The following MAOA variants were observed in gnomAD, a reference collection of about 807,000 sequenced individuals.
MAOA encodes monoamine oxidase A.
Under a neutral mutation model 42.0 loss-of-function variants are expected in MAOA, and 6 were observed. The observed-to-expected ratio is 0.14, with a 90% CI of 0.08 to 0.28. MAOA has a LOEUF of 0.28. Ranked by LOEUF, MAOA falls within the 10% of genes least tolerant of loss-of-function variation. The pLI is 1.00. For synonymous variants in MAOA, 140 were observed against 154.0 expected (o/e 0.91, Z 0.67); for missense variants, 262 against 422.3 (o/e 0.62, Z 3.33).
At chrX:43,694,480 T>C (rs909079536) in intron 3 of MAOA, among the ~76,000 whole-genome samples, 1 of 112,103 alleles carries the variant, frequency 8.9e-6, no homozygotes, top group Admixed American at 9.5e-5. Context: ...CTTTTTATTC[T>C]TTTCTTTTTA....
intron 10 of MAOA, among the ~76,000 whole-genome samples, chrX:43,740,266 C>T (rs747963316): frequency 9.0e-6 from 1 of 111,581 alleles, no homozygotes; most frequent in Non-Finnish European, 1.9e-5. Context: ...TTAAAAGACA[C>T]CATCACTTAT....
At chrX:43,670,672 A>C (rs878909607) in intron 1 of MAOA, among the ~76,000 whole-genome samples, 141 of 91,932 alleles carry the variant, frequency 1.5e-3, no homozygotes, top group African/African-American at 5.3e-3. Flanking sequence ...TGTTCAATTC[A>C]CACCTATGAG....
At position 43,693,297 on chromosome X, in the gene MAOA, C is replaced by T; in HGVS notation, c.175C>T (p.His59Tyr). 8.3e-7 allele frequency: 1 copy of T among 1,210,565 alleles called. No homozygotes were observed. Among genetic ancestry groups the T allele is most frequent in the Non-Finnish European group, 1.1e-6 (1 of 894,454 alleles). The change falls in exon 3 of 15, where the codon CAT (histidine) becomes TAT (tyrosine). Residue 59 changes from histidine (H) to tyrosine (Y), a missense_variant. Transcript: ENST00000338702. ...AATTTTTCTCTTTTTGCAGAATGAG[C>T]ATGTTGATTACGTAGATGTTGGTGG... ...GGRTYTIRNEHVDYVDVGGAY... is the reference protein window; with the variant it reads ...GGRTYTIRNEYVDYVDVGGAY...
At chrX:43,675,883 G>A (rs1335933575) in intron 1 of MAOA, among the ~76,000 whole-genome samples, 1 of 112,065 alleles carries the variant, frequency 8.9e-6, no homozygotes, top group East Asian at 2.8e-4. Context: ...GGCTGCTCGG[G>A]GGTCAGGGGT....
chrX:43,685,997 A>G (rs950209283), intron 2 of MAOA, among the ~76,000 whole-genome samples: 1 of 111,885 alleles, frequency 8.9e-6, no homozygotes, highest in Non-Finnish European at 1.9e-5. Flanking sequence ...GAGTAATAAG[A>G]TACTATCTAA....
chrX:43,661,777 A>G (rs2033235899), intron 1 of MAOA, among the ~76,000 whole-genome samples: 2 of 110,920 alleles, frequency 1.8e-5, no homozygotes, highest in South Asian at 7.5e-4. Flanking sequence ...TTATTTTGCA[A>G]TTAAATTCCA....
chrX:43,678,664 G>C (rs1459451268), intron 1 of MAOA, among the ~76,000 whole-genome samples: 1 of 111,748 alleles, frequency 8.9e-6, no homozygotes. Context: ...AGAATGCATA[G>C]TGAGTGACAC....
At chrX:43,742,074 A>G in intron 12 of MAOA, 27 bp downstream of exon 12, 1 of 1,210,487 alleles carries the variant, frequency 8.3e-7, no homozygotes, top group Non-Finnish European at 1.1e-6. Context: ...ACGCCAATTA[A>G]TCCAAGACCT....
At chrX:43,711,084 G>T (rs1490599285) in intron 3 of MAOA, among the ~76,000 whole-genome samples, 2 of 111,681 alleles carry the variant, frequency 1.8e-5, no homozygotes, top group African/African-American at 6.5e-5. Flanking sequence ...CTCTGAGAGT[G>T]TATGACTGGC....
At chrX:43,730,194 C>CA (rs1219771036) in intron 6 of MAOA, among the ~76,000 whole-genome samples, 3,040 of 37,914 alleles carry the variant, frequency 0.08, 100 homozygotes, top group East Asian at 0.23. Flanking sequence ...AACTCCGTCT[C>CA]AAAAAAAAAA....
At chrX:43,743,012 G>A (rs1221208680) in intron 12 of MAOA, among the ~76,000 whole-genome samples, 11 of 110,941 alleles carry the variant, frequency 9.9e-5, no homozygotes, top group African/African-American at 3.6e-4. Flanking sequence ...AGACTAAGAT[G>A]AGGAATAGAT....
chrX:43,682,257 T>A (rs1345669817), intron 1 of MAOA, among the ~76,000 whole-genome samples: 3 of 111,350 alleles, frequency 2.7e-5, no homozygotes, highest in Non-Finnish European at 3.8e-5. Flanking sequence ...AACCCAGATC[T>A]TGGTTTCTAA....
chrX:43,740,602 A>G, intron 10 of MAOA, 79 bp from the exon 11 acceptor site: 1 of 877,484 alleles, frequency 1.1e-6, no homozygotes, highest in Non-Finnish European at 1.6e-6. Flanking sequence ...GAGCTCTAGA[A>G]CTCACTGTAT....
chrX:43,655,995 C>T (rs2033175479), upstream of MAOA: 1 of 263,747 alleles, frequency 3.8e-6, no homozygotes, highest in Non-Finnish European at 6.9e-6. Flanking sequence ...CCTGACACTC[C>T]GCGGGGTTCA....
chrX:43,701,810 C>T (rs1468772999), intron 3 of MAOA, among the ~76,000 whole-genome samples: 3 of 111,968 alleles, frequency 2.7e-5, no homozygotes, highest in Non-Finnish European at 1.9e-5. Flanking sequence ...AGAGAAATTG[C>T]TCTAGTCTCC....
rs1467090126 is a variant in MAOA, at chrX:43,723,979, C to T, written c.504-4194C>T. 3.6e-5 allele frequency among the ~76,000 whole-genome samples: 4 copies of T among 110,891 alleles called. No homozygotes were observed. In the Admixed American group the frequency reaches 3.8e-4, roughly 11 times the overall value. ...TTGGTTCTGTTTATGTGACGGATTA[C>T]GTTTATTGATTTGTATATGTTGAAC... On this transcript the variant is annotated intron_variant, in intron 5 of 14. Coordinates refer to ENST00000338702, the MANE Select transcript of MAOA (RefSeq NM_000240.4).
chrX:43,744,282 G>A (rs1014935393), intron 14 of MAOA, 85 bp from the exon 15 acceptor site: 1 of 1,123,882 alleles, frequency 8.9e-7, no homozygotes. Context: ...ACTATCCCAG[G>A]GGTCTCCATG....
intron 11 of MAOA, among the ~76,000 whole-genome samples, chrX:43,741,684 T>C (rs2033961261): frequency 9.0e-6 from 1 of 111,309 alleles, no homozygotes; most frequent in African/African-American, 3.3e-5. Flanking sequence ...CATGGATGGA[T>C]GGATACCCCT....
At chrX:43,736,163 A>G in intron 9 of MAOA, 64 bp from the exon 10 acceptor site, 1 of 831,003 alleles carries the variant, frequency 1.2e-6, no homozygotes, top group Non-Finnish European at 1.8e-6. Context: ...TACTTCAGAA[A>G]GAAAGGGCAG....
Sources: gnomAD v4.1 joint callset for allele counts (sites outside exome capture counted in the v4.1 genomes callset) on GRCh38, gnomAD v4.1.1 for gene constraint, MANE v1.5 for transcripts, NCBI Gene and HGNC (gene_info 2026-07-23, HGNC 2026-07-21) for gene names.